FGF13: variants seen among roughly 807,000 people sequenced by gnomAD.
FGF13 encodes fibroblast growth factor homologous factor 2.
FGF13 carries 2 observed loss-of-function variants against 19.5 expected under a neutral mutation model. That is an observed-to-expected ratio of 0.10 (90% CI 0.04 to 0.32). The LOEUF is 0.32. FGF13 is among the 10% of genes least tolerant of loss of function. FGF13 has a pLI of 1.00. For synonymous variants in FGF13, 72 were observed against 76.9 expected, an observed-to-expected ratio of 0.94 and a Z score of 0.33; for missense variants, 113 against 192.7, an observed-to-expected ratio of 0.59 and a Z score of 2.45.
chrX:139,173,079 G>A (rs2084146881), intron 1 of FGF13, among the ~76,000 whole-genome samples: 1 of 112,064 alleles, frequency 8.9e-6, no homozygotes, highest in Admixed American at 9.5e-5. Context: ...ACCAATCTAA[G>A]GCAATTTGCA....
chrX:138,886,852 C>T (rs148020559), intron 1 of FGF13, among the ~76,000 whole-genome samples: 17 of 111,886 alleles, frequency 1.5e-4, no homozygotes, highest in Middle Eastern at 4.6e-3. Context: ...ACTATGGATA[C>T]GATGGTAGGA....
intron 1 of FGF13, among the ~76,000 whole-genome samples, chrX:138,880,180 A>G (rs1044319901): frequency 1.8e-5 from 2 of 112,239 alleles, no homozygotes; most frequent in African/African-American, 6.5e-5. Flanking sequence ...GTCAGGAAAC[A>G]ACAGAAGCTG....
At chrX:139,075,107 G>C (rs1251877001) in intron 1 of FGF13, among the ~76,000 whole-genome samples, 1 of 111,900 alleles carries the variant, frequency 8.9e-6, no homozygotes, top group Non-Finnish European at 1.9e-5. Context: ...TGAATAACTT[G>C]ATTAACAACT....
intron 3 of FGF13, among the ~76,000 whole-genome samples, chrX:138,804,910 G>A (rs1718128994): frequency 9.0e-6 from 1 of 111,566 alleles, no homozygotes; most frequent in East Asian, 2.8e-4. Context: ...TTCAGAATGT[G>A]GGGTCTAAAA....
chrX:139,126,100 G>C (rs1603211371), intron 1 of FGF13, among the ~76,000 whole-genome samples: 1 of 112,059 alleles, frequency 8.9e-6, no homozygotes. Context: ...CAACAGTAAA[G>C]GTCATGTATT....
chrX:138,817,008 T>A (rs751411387), intron 3 of FGF13, among the ~76,000 whole-genome samples: 213 of 112,188 alleles, frequency 1.9e-3, no homozygotes, highest in African/African-American at 6.7e-3. Context: ...AAAGAATATT[T>A]TACAAATCAT....
intron 1 of FGF13, among the ~76,000 whole-genome samples, chrX:139,160,552 A>G (rs779076325): frequency 6.3e-5 from 7 of 111,814 alleles, no homozygotes; most frequent in Admixed American, 9.5e-5. Context: ...GGAATCCAGG[A>G]GCTGATTTTT....
intron 1 of FGF13, among the ~76,000 whole-genome samples, chrX:139,135,715 T>C (rs2083794613): frequency 9.0e-6 from 1 of 111,301 alleles, no homozygotes; most frequent in Non-Finnish European, 1.9e-5. Context: ...TCTTAGATGT[T>C]TAAAATGACT....
intron 3 of FGF13, among the ~76,000 whole-genome samples, chrX:138,701,193 G>T (rs1438834610): frequency 8.9e-6 from 1 of 112,202 alleles, no homozygotes; most frequent in Non-Finnish European, 1.9e-5. Context: ...AATTCTGGAT[G>T]ATTTATCAGT....
In FGF13 at chrX:139,092,407, G is replaced by T. The variant is rs182738923; in HGVS notation, c.-113+111009C>A. ...TCTCATCAACACATTCCTACTGATT[G>T]CTTTCTTTCTTGTCAGAGAAAAGTA... is the stretch of plus-strand genomic sequence containing the variant. On this transcript the variant is annotated intron_variant, in intron 1 of 2. Coordinates refer to the FGF13 transcript ENST00000421460. Among the ~76,000 whole-genome samples, 638 of 112,445 alleles carry T rather than the reference G, an allele frequency of 5.7e-3. 3 individuals carry two copies. Among genetic ancestry groups the T allele is most frequent in the Non-Finnish European group, 8.3e-3 (443 of 53,283 alleles).
At chrX:139,123,630 T>C (rs567554694) in intron 1 of FGF13, among the ~76,000 whole-genome samples, 1 of 112,127 alleles carries the variant, frequency 8.9e-6, no homozygotes, top group South Asian at 3.7e-4. Flanking sequence ...CACAACTTGG[T>C]ATTATATACT....
intron 3 of FGF13, among the ~76,000 whole-genome samples, chrX:138,842,479 C>T (rs1602944987): frequency 9.0e-6 from 1 of 110,594 alleles, no homozygotes; most frequent in South Asian, 3.8e-4. Flanking sequence ...AAGAGTAAGG[C>T]GGAGTTTGAA....
intron 3 of FGF13, among the ~76,000 whole-genome samples, chrX:138,647,250 G>T (rs1160566036): frequency 1.9e-5 from 2 of 107,747 alleles, no homozygotes; most frequent in African/African-American, 6.7e-5. Context: ...GGAAATCCAG[G>T]ACTCTTGAGA....
intron 3 of FGF13, among the ~76,000 whole-genome samples, chrX:138,845,580 A>T (rs1214557016): frequency 4.5e-5 from 5 of 111,721 alleles, no homozygotes; most frequent in African/African-American, 1.6e-4. Flanking sequence ...TGGAGTCCTG[A>T]CTGGGAAGGG....
intron 1 of FGF13, among the ~76,000 whole-genome samples, chrX:139,129,514 G>C (rs1189963461): frequency 4.5e-5 from 5 of 110,904 alleles, no homozygotes; most frequent in African/African-American, 1.6e-4. Flanking sequence ...TTTTTTGTAA[G>C]GGGCACTTGA....
chrX:138,901,573 C>T (rs1198926475), intron 1 of FGF13, among the ~76,000 whole-genome samples: 6 of 111,490 alleles, frequency 5.4e-5, no homozygotes, highest in Non-Finnish European at 1.1e-4. Context: ...AATCTCTGAG[C>T]CTTTGGATAT....
chrX:139,051,566 C>G (rs1261081868), intron 1 of FGF13, among the ~76,000 whole-genome samples: 1 of 112,346 alleles, frequency 8.9e-6, no homozygotes, highest in Non-Finnish European at 1.9e-5. Flanking sequence ...TACTACAGAA[C>G]ATAGTTTATA....
At chrX:139,179,833 ATGTT>A (rs1165035020) in intron 1 of FGF13, among the ~76,000 whole-genome samples, 1 of 112,919 alleles carries the variant, frequency 8.9e-6, no homozygotes, top group Non-Finnish European at 1.9e-5. Flanking sequence ...CACTTAATAA[ATGTT>A]TGTTGAAGGC....
chrX:139,079,797 A>G (rs1715835875), intron 1 of FGF13, among the ~76,000 whole-genome samples: 1 of 111,486 alleles, frequency 9.0e-6, no homozygotes, highest in South Asian at 3.8e-4. Context: ...CTAATTTTGA[A>G]TGTTGTTAGT....
Sources: allele counts gnomAD v4.1 joint callset (sites outside exome capture counted in the v4.1 genomes callset), GRCh38; gene constraint gnomAD v4.1.1; transcripts MANE v1.5; gene names NCBI Gene and HGNC (gene_info 2026-07-23, HGNC 2026-07-21).